The following EBF2 variants were observed in gnomAD, a reference collection of about 807,000 sequenced individuals.
EBF2 encodes the protein EBF transcription factor 2, also known as transcription factor COE2.
In EBF2, 21 loss-of-function variants were observed where a neutral mutation model predicts 72.8. That is an observed-to-expected ratio of 0.29 (90% confidence interval 0.20 to 0.42). The LOEUF (loss-of-function observed/expected upper bound fraction) is 0.42, where lower values mean the gene tolerates loss of function less well. Among genes scored for constraint, EBF2 ranks in the 10% least tolerant of loss-of-function variants. The pLI is 1.00. For missense variants in EBF2, 637 were observed against 731.2 expected (o/e 0.87, Z 1.49); for synonymous variants, 299 against 274.2 (o/e 1.09, Z -0.89).
intron 6 of EBF2, among the ~76,000 whole-genome samples, chr8:25,951,087 AAATT>A (rs1468691079): frequency 6.6e-6 from 1 of 152,188 alleles, no homozygotes; most frequent in African/African-American, 2.4e-5. Flanking sequence ...TCTGATTTGA[AAATT>A]ATTTGGCATT....
intron 6 of EBF2, among the ~76,000 whole-genome samples, chr8:26,018,020 C>A (rs531549082): frequency 6.6e-6 from 1 of 151,674 alleles, no homozygotes; most frequent in Non-Finnish European, 1.5e-5. Flanking sequence ...GCAATTATTT[C>A]TTTGGTACTT....
rs145671749 is a variant in EBF2, at chr8:25,876,815, G to T, written c.1009+9940C>A. ...AATTTCTCTAAGTAGCAGGATCTCA[G>T]CTATGAAGTTGAGATCCTCATAGAA... On this transcript the variant is annotated intron_variant, in intron 10 of 15. Transcript: ENST00000520164. Among the ~76,000 whole-genome samples, 54 of 152,278 alleles carry T rather than the reference G, an allele frequency of 3.5e-4. No homozygotes were observed. In the East Asian group the frequency reaches 8.9e-3, roughly 25 times the overall value.
Position 25,942,111 on chromosome 8 carries a change from G to C in EBF2, c.552-33556C>G, listed in dbSNP as rs531309470. The stretch of plus-strand genomic sequence containing the variant: ...GGATGATGTACTGAGTCCCTAGACA[G>C]AGGTGAGCACAGAGAGCACCGGAAA... On this transcript the variant is annotated intron_variant, in intron 6 of 15. Coordinates refer to ENST00000520164, the MANE Select transcript of EBF2 (RefSeq NM_022659.4). Among the ~76,000 whole-genome samples, 22 of 152,306 alleles carry C rather than the reference G, an allele frequency of 1.4e-4. No homozygotes were observed. The South Asian group carries it at 4.4e-3, about 30-fold the overall frequency.
intron 7 of EBF2, among the ~76,000 whole-genome samples, chr8:25,893,242 G>T (rs1802812328): frequency 6.6e-6 from 1 of 151,048 alleles, no homozygotes; most frequent in Non-Finnish European, 1.5e-5. Flanking sequence ...AGAAAACAAG[G>T]AGAGGGTGCT....
At chr8:26,012,782 G>T (rs1420035260) in intron 6 of EBF2, among the ~76,000 whole-genome samples, 2 of 152,160 alleles carry the variant, frequency 1.3e-5, no homozygotes, top group Non-Finnish European at 1.5e-5. Flanking sequence ...CTTGCTCACA[G>T]CATGTGCCAT....
At chr8:25,967,901 A>G (rs1210168696) in intron 6 of EBF2, among the ~76,000 whole-genome samples, 1 of 152,262 alleles carries the variant, frequency 6.6e-6, no homozygotes, top group Non-Finnish European at 1.5e-5. Flanking sequence ...TGAGAAGATT[A>G]AATGAGGTTT....
At chr8:25,854,508 A>G (rs1802044282) in intron 14 of EBF2, among the ~76,000 whole-genome samples, 1 of 152,176 alleles carries the variant, frequency 6.6e-6, no homozygotes, top group African/African-American at 2.4e-5. Flanking sequence ...GCAATTTTCA[A>G]AATGTATCTA....
At chr8:26,008,096 T>C (rs570582551) in intron 6 of EBF2, among the ~76,000 whole-genome samples, 13 of 151,886 alleles carry the variant, frequency 8.6e-5, no homozygotes, top group Non-Finnish European at 1.8e-4. Flanking sequence ...TGGGAGATCT[T>C]CCAGGTCAAT....
chr8:25,848,991 A>T (rs1321025280), intron 15 of EBF2, among the ~76,000 whole-genome samples: 1 of 152,232 alleles, frequency 6.6e-6, no homozygotes, highest in Non-Finnish European at 1.5e-5. Flanking sequence ...CTCTGGGCAC[A>T]TTCCCTAAGG....
chr8:26,029,834 C>A (rs958402281), intron 6 of EBF2, among the ~76,000 whole-genome samples: 2 of 152,174 alleles, frequency 1.3e-5, no homozygotes, highest in African/African-American at 2.4e-5. Context: ...AGAGACCAGA[C>A]GCAAGGCTGA....
intron 4 of EBF2, 46 bp downstream of exon 4, chr8:26,040,570 C>G: frequency 2.0e-6 from 3 of 1,536,832 alleles, no homozygotes; most frequent in Non-Finnish European, 2.6e-6. Context: ...GTTTGGGGGT[C>G]GGGGTCAGAG....
intron 6 of EBF2, among the ~76,000 whole-genome samples, chr8:25,962,545 A>T (rs745448348): frequency 1.6e-4 from 21 of 130,024 alleles, no homozygotes; most frequent in East Asian, 6.0e-4. Flanking sequence ...GACCAAAATT[A>T]AAAAAAAAAA....
chr8:25,966,201 T>C (rs1804112278), intron 6 of EBF2, among the ~76,000 whole-genome samples: 1 of 152,220 alleles, frequency 6.6e-6, no homozygotes, highest in South Asian at 2.1e-4. Context: ...AGATGATCCA[T>C]GGTTTTCCAA....
At chr8:25,924,836 C>G (rs1803360149) in intron 6 of EBF2, among the ~76,000 whole-genome samples, 1 of 152,174 alleles carries the variant, frequency 6.6e-6, no homozygotes, top group Admixed American at 6.5e-5. Flanking sequence ...ATTTCTGTAC[C>G]TTTAACATAC....
At chr8:25,957,461 C>T (rs1803969078) in intron 6 of EBF2, among the ~76,000 whole-genome samples, 1 of 152,190 alleles carries the variant, frequency 6.6e-6, no homozygotes, top group African/African-American at 2.4e-5. Flanking sequence ...CCCCCGCAGG[C>T]CACCTCTTCA....
intron 6 of EBF2, among the ~76,000 whole-genome samples, chr8:25,951,853 G>T (rs545114297): frequency 9.9e-5 from 15 of 152,202 alleles, no homozygotes; most frequent in African/African-American, 3.4e-4. Context: ...AAACAAGCAA[G>T]GTCAAGATGA....
chr8:25,963,946 A>T, intron 6 of EBF2, among the ~76,000 whole-genome samples: 1 of 152,200 alleles, frequency 6.6e-6, no homozygotes, highest in Non-Finnish European at 1.5e-5. Flanking sequence ...CCAGTATTTT[A>T]AAATTATAAT....
chr8:26,016,622 A>G (rs996464580), intron 6 of EBF2, among the ~76,000 whole-genome samples: 6 of 152,192 alleles, frequency 3.9e-5, no homozygotes, highest in African/African-American at 1.4e-4. Context: ...ATGCTTTTAT[A>G]AGGACACTGA....
At chr8:26,033,004 G>T (rs899790967) in intron 6 of EBF2, 81 bp downstream of exon 6, 1 of 1,329,424 alleles carries the variant, frequency 7.5e-7, no homozygotes, top group Non-Finnish European at 1.1e-6. Flanking sequence ...TGACAGCAAA[G>T]CTCCATGGAT....
Sources: allele counts gnomAD v4.1 joint callset (sites outside exome capture counted in the v4.1 genomes callset), GRCh38; gene constraint gnomAD v4.1.1; transcripts MANE v1.5; gene names NCBI Gene and HGNC (gene_info 2026-07-23, HGNC 2026-07-21).